The following MGRN1 variants were observed in gnomAD, a reference collection of about 807,000 sequenced individuals.
The protein encoded by MGRN1 is mahogunin ring finger 1.
In MGRN1, 29 loss-of-function variants were observed where a neutral mutation model predicts 69.2. That is an observed-to-expected ratio of 0.42 (90% CI 0.31 to 0.57). The LOEUF is 0.57. Among genes scored for constraint, MGRN1 ranks in the 20% least tolerant of loss-of-function variants. The probability of loss-of-function intolerance (pLI) is 0.15; values close to 1 mark genes in which losing one functional copy is unlikely to be tolerated. For synonymous variants in MGRN1, 470 were observed against 344.2 expected (o/e 1.37, Z -4.04); for missense variants, 998 against 796.2 (o/e 1.25, Z -3.05).
chr16:4,662,824 G>C (rs2078712853), intron 5 of MGRN1, among the ~76,000 whole-genome samples: 1 of 152,208 alleles, frequency 6.6e-6, no homozygotes, highest in Non-Finnish European at 1.5e-5. Context: ...TCTGAGCATT[G>C]CTGTTCAGGG....
chr16:4,631,614 C>T (rs1333870463), intron 1 of MGRN1, among the ~76,000 whole-genome samples: 3 of 152,218 alleles, frequency 2.0e-5, no homozygotes, highest in Non-Finnish European at 4.4e-5. Context: ...ACCAGCAGCA[C>T]ACTGGCTTGT....
rs1024566630 is a variant in MGRN1 at position 4,686,746 on chromosome 16, T to A, written c.1619-2050T>A. ...AAGGGGAGAGGCCTGGGCCTGGCCT[T>A]GTTCCGGATGGTCCCACCATGAGTT... is the stretch of plus-strand genomic sequence containing the variant. On this transcript the variant is annotated intron_variant, in intron 16 of 16. Transcript: ENST00000262370. 7 of 1,001,972 alleles carry A rather than the reference T, an allele frequency of 7.0e-6. No individual in the cohort carries two copies. The African/African-American group carries it at 1.0e-4, about 15-fold the overall frequency. 62.1% of individuals were successfully genotyped at this position (1,001,972 alleles called of 1,614,324 possible). A position where few individuals can be genotyped will look rare whatever the true frequency, so the allele number is the denominator to read the frequency against.
intron 14 of MGRN1, 74 bp downstream of exon 14, chr16:4,683,020 AC>A (rs955609232): frequency 4.7e-5 from 70 of 1,484,618 alleles, no homozygotes; most frequent in Admixed American, 2.3e-5. Context: ...CTGGAATCAG[AC>A]CCCATCCCAC....
intron 1 of MGRN1, among the ~76,000 whole-genome samples, chr16:4,635,257 C>A (rs571993487): frequency 1.8e-4 from 26 of 145,212 alleles, no homozygotes; most frequent in South Asian, 8.7e-4. Flanking sequence ...ACTAAAAATC[C>A]AAAAAAAAAA....
intron 15 of MGRN1, 89 bp downstream of exon 15, chr16:4,683,358 G>A (rs2079232777): frequency 1.4e-6 from 2 of 1,467,300 alleles, no homozygotes; most frequent in Non-Finnish European, 1.9e-6. Flanking sequence ...GTGGTGTTGG[G>A]CCAGCACCTC....
chr16:4,668,017 A>G (rs1022467805), intron 7 of MGRN1, among the ~76,000 whole-genome samples: 1 of 151,984 alleles, frequency 6.6e-6, no homozygotes, highest in African/African-American at 2.4e-5. Flanking sequence ...GTGGGTCAGC[A>G]GAGGGTCCCC....
intron 9 of MGRN1, among the ~76,000 whole-genome samples, 186 bp downstream of exon 9, chr16:4,671,645 G>T (rs2078939531): frequency 6.6e-6 from 1 of 152,074 alleles, no homozygotes; most frequent in South Asian, 2.1e-4. Flanking sequence ...CCTTTCTCCA[G>T]CAAATTCACT....
intron 1 of MGRN1, among the ~76,000 whole-genome samples, chr16:4,636,426 TC>T (rs1898294793): frequency 6.6e-6 from 1 of 152,098 alleles, no homozygotes; most frequent in Non-Finnish European, 1.5e-5. Context: ...CCTTCCAGCG[TC>T]CCAGTGCTGC....
intron 2 of MGRN1, among the ~76,000 whole-genome samples, chr16:4,651,349 G>T (rs142612440): frequency 6.6e-6 from 1 of 152,168 alleles, no homozygotes; most frequent in Admixed American, 6.5e-5. Flanking sequence ...CTGCTACCTG[G>T]TGGGGGCGTA....
At chr16:4,629,404 A>G (rs367735219) in intron 1 of MGRN1, among the ~76,000 whole-genome samples, 43 of 152,154 alleles carry the variant, frequency 2.8e-4, no homozygotes, top group African/African-American at 1.0e-3. Context: ...ACGAAGTCTC[A>G]TTTACTGCTT....
In MGRN1 at chr16:4,683,398, C is replaced by T. The variant is rs1339644893; in HGVS notation, c.1528+129C>T. 8 of 1,105,346 alleles carry T rather than the reference C, an allele frequency of 7.2e-6. No individual in the cohort carries two copies. In the South Asian group the frequency reaches 7.3e-5, roughly 10 times the overall value. 68.5% of individuals were successfully genotyped at this position (1,105,346 alleles called of 1,614,324 possible). On this transcript the variant is annotated intron_variant, in intron 15 of 16. Transcript: ENST00000262370. The stretch of plus-strand genomic sequence containing the variant: ...GCCCCAGGAACCCTCGGCCAAGAGG[C>T]CCCCCTCGGCGGCACTGGGATCCCG...
At chr16:4,676,105 T>C (rs2079047393) in intron 10 of MGRN1, among the ~76,000 whole-genome samples, 1 of 152,216 alleles carries the variant, frequency 6.6e-6, no homozygotes, top group African/African-American at 2.4e-5. Flanking sequence ...TGCTGGTCTG[T>C]GCAGTCAGGC....
In MGRN1 at chr16:4,688,795, G is replaced by GGACGGCCCACCTCCATGGA. The variant is rs1567250533; in HGVS notation, c.1629_1647dup (p.Gly550LeufsTer60). 1.9e-6 allele frequency: 3 copies of GGACGGCCCACCTCCATGGA among 1,545,120 alleles called. No homozygotes were observed. Among genetic ancestry groups the GGACGGCCCACCTCCATGGA allele is most frequent in the Non-Finnish European group, 8.8e-7 (1 of 1,142,428 alleles). On this transcript the variant is annotated frameshift_variant and splice_region_variant. Transcript: ENST00000262370. LOFTEE classifies it high-confidence loss of function. ...CCTCCTCCCTCTGCTCCCACCTGCAGGACGGCCCACCTCCATGGAGACGGC... is the reference window on the plus strand; with the variant it reads ...CCTCCTCCCTCTGCTCCCACCTGCAGGACGGCCCACCTCCATGGAGACGGCCCACCTCCATGGAGACGGC...
At chr16:4,687,047 C>T (rs986665102) in intron 16 of MGRN1, 7 of 985,726 alleles carry the variant, frequency 7.1e-6, no homozygotes, top group East Asian at 1.1e-4. Flanking sequence ...GCATGGCCAC[C>T]GTGGGCCTGG....
chr16:4,659,845 TGTGTCATCAGG>T (rs1387601767), intron 5 of MGRN1, among the ~76,000 whole-genome samples: 1 of 152,212 alleles, frequency 6.6e-6, no homozygotes, highest in African/African-American at 2.4e-5. Context: ...TTCCAGGGCC[TGTGTCATCAGG>T]GTGGGGATCT....
rs1283916678 is a variant in MGRN1 at position 4,624,994 on chromosome 16, G to A, written c.34G>A (p.Val12Met). The change falls in exon 1 of 17, where the codon GTG (valine) becomes ATG (methionine). Residue 12 changes from valine (V) to methionine (M), a missense_variant. Val to Met is a conservative substitution (Grantham distance 21). Transcript: ENST00000262370. ...GSILSRRIAG[V>M]EDIDIQANSA... ...CATTCTCAGCCGCCGCATCGCGGGG[G>A]TGGAGGACATCGACATCCAGGCGAA... is the stretch of plus-strand genomic sequence containing the variant. 1.7e-5 allele frequency: 26 copies of A among 1,559,454 alleles called. 1 individual carries two copies. Among genetic ancestry groups the A allele is most frequent in the Non-Finnish European group, 2.3e-5 (26 of 1,155,350 alleles).
Position 4,675,735 on chromosome 16 carries a change from A to G in MGRN1, c.956-1728A>G, listed in dbSNP as rs550069399. Reference sequence around the variant, plus strand: ...AGAGACAGGGGAAGACCCTGTTTCAAAAAAAAAAAAAAAAATTATAGCGAA... The same window carrying G: ...AGAGACAGGGGAAGACCCTGTTTCAGAAAAAAAAAAAAAAATTATAGCGAA... On this transcript the variant is annotated intron_variant, in intron 10 of 16. Coordinates refer to ENST00000262370, the MANE Select transcript of MGRN1 (RefSeq NM_015246.4). 4.4e-3 allele frequency among the ~76,000 whole-genome samples: 647 copies of G among 145,618 alleles called. 4 individuals are homozygous for G. Among genetic ancestry groups the G allele is most frequent in the African/African-American group, 0.016 (617 of 39,552 alleles).
At chr16:4,651,408 G>A (rs58081460) in intron 2 of MGRN1, among the ~76,000 whole-genome samples, 4,376 of 152,286 alleles carry the variant, frequency 0.029, 211 homozygotes, top group African/African-American at 0.099. Flanking sequence ...GGCAGAAAGG[G>A]AGGCTCTACT....
chr16:4,681,495 C>G, intron 12 of MGRN1, 55 bp from the exon 13 acceptor site: 2 of 1,525,800 alleles, frequency 1.3e-6, no homozygotes, highest in Non-Finnish European at 1.8e-6. Context: ...GGAGGAGCGT[C>G]TGGGGAGCAG....
Sources: allele counts gnomAD v4.1 joint callset (sites outside exome capture counted in the v4.1 genomes callset), GRCh38; gene constraint gnomAD v4.1.1; transcripts MANE v1.5; gene names NCBI Gene and HGNC (gene_info 2026-07-23, HGNC 2026-07-21).